Variants in CMIP observed in about 807,000 individuals in gnomAD.
CMIP encodes the protein C-Maf-inducing protein.
CMIP carries 13 observed loss-of-function variants against 97.3 expected under a neutral mutation model. The ratio of observed to expected loss-of-function variants is 0.13; its 90% confidence interval spans 0.09 to 0.21. The LOEUF is 0.21. Among genes scored for constraint, CMIP ranks in the 10% least tolerant of loss-of-function variants. CMIP has a pLI of 1.00. For missense variants in CMIP, 847 were observed against 1,024.9 expected, an observed-to-expected ratio of 0.83 and a Z score of 2.37; for synonymous variants, 538 against 436.3, an observed-to-expected ratio of 1.23 and a Z score of -2.91.
At chr16:81,620,074 G>A (rs952159648) in intron 2 of CMIP, 1 of 152,230 alleles carries the variant, frequency 6.6e-6, no homozygotes, top group Non-Finnish European at 1.5e-5. Flanking sequence ...CATGTGCCAA[G>A]CCTGGTTCTA....
At chr16:81,448,556 C>T (rs1318868867) in intron 1 of CMIP, among the ~76,000 whole-genome samples, 1 of 152,210 alleles carries the variant, frequency 6.6e-6, no homozygotes, top group African/African-American at 2.4e-5. Context: ...ACCCGCCTGG[C>T]CTGCCTGTAA....
In CMIP at chr16:81,652,076, A is replaced by G; in HGVS notation, c.478-127A>G. On this transcript the variant is annotated intron_variant, in intron 3 of 20. Transcript: ENST00000537098. This position sits in a 1 kb window ranked among gnomAD's most constrained non-coding sequence, Gnocchi z 5.2. ...GGTGTCAGTTTCCTTATAAACGGGG[A>G]CTGGGCCAAGTTGTCAGTTTCTCAG... is the stretch of plus-strand genomic sequence containing the variant. 1.4e-6 allele frequency: 1 copy of G among 690,422 alleles called. No homozygotes were observed. Among genetic ancestry groups the G allele is most frequent in the African/African-American group, 1.8e-5 (1 of 55,714 alleles). 42.8% of individuals were successfully genotyped at this position (690,422 alleles called of 1,614,324 possible).
intron 1 of CMIP, among the ~76,000 whole-genome samples, chr16:81,567,795 G>A (rs77599585): frequency 9.4e-4 from 143 of 152,284 alleles, no homozygotes; most frequent in African/African-American, 3.2e-3. Context: ...TCACCTCCCC[G>A]AAGCGCAGAG....
chr16:81,681,258 C>T (rs1904846656), intron 10 of CMIP, among the ~76,000 whole-genome samples: 1 of 152,268 alleles, frequency 6.6e-6, no homozygotes, highest in East Asian at 1.9e-4. Flanking sequence ...CCTCCCCACA[C>T]CCAGCAGGCT....
In CMIP at chr16:81,614,515, G is replaced by T. The variant is rs1265572779; in HGVS notation, c.427-6361G>T. On this transcript the variant is annotated intron_variant, in intron 2 of 20. Coordinates refer to ENST00000537098, the MANE Select transcript of CMIP (RefSeq NM_198390.3). The surrounding 1 kb of genome is among the most constrained non-coding windows in gnomAD (Gnocchi z 5.3). ...AATGATGACCCCAGCAAGTCTGGGT[G>T]TGTGTGTGGTATATGCATTGGTTTC... Among the ~76,000 whole-genome samples the T allele has an allele frequency of 6.6e-6, 1 of 152,198 alleles. No homozygotes were observed. Among genetic ancestry groups the T allele is most frequent in the African/African-American group, 2.4e-5 (1 of 41,434 alleles).
At position 81,516,297 on chromosome 16, in the gene CMIP, A is replaced by C. The variant is rs115978318; in HGVS notation, c.300+70756A>C. ...CTTGATTCCTCCGGGGATTTTCTAAAATACACATGGAATCGCGCTTCTCTC... is the reference window on the plus strand; with the variant it reads ...CTTGATTCCTCCGGGGATTTTCTAACATACACATGGAATCGCGCTTCTCTC... On this transcript the variant is annotated intron_variant, in intron 1 of 20. Transcript: ENST00000537098. Among the ~76,000 whole-genome samples the C allele has an allele frequency of 6.4e-3, 975 of 152,192 alleles. 14 individuals are homozygous for C. Among genetic ancestry groups the C allele is most frequent in the African/African-American group, 0.022 (924 of 41,504 alleles).
chr16:81,529,042 A>C lies in CMIP; in HGVS notation c.301-78525A>C, dbSNP rs75552060. 6.8e-3 allele frequency among the ~76,000 whole-genome samples: 1,040 copies of C among 152,194 alleles called. 12 individuals are homozygous for C. Among genetic ancestry groups the C allele is most frequent in the African/African-American group, 0.023 (963 of 41,508 alleles). ...CTGATGGCTTTACCCATTGTAAATC[A>C]GGCCTTGGCTAGATACAGATGAATG... On this transcript the variant is annotated intron_variant, in intron 1 of 20. Coordinates refer to ENST00000537098, the MANE Select transcript of CMIP (RefSeq NM_198390.3).
intron 11 of CMIP, among the ~76,000 whole-genome samples, chr16:81,692,117 A>G (rs1906151775): frequency 6.6e-6 from 1 of 152,218 alleles, no homozygotes; most frequent in African/African-American, 2.4e-5. Flanking sequence ...GAATGCAAAC[A>G]GAGCCCTCCC....
chr16:81,708,604 C>T (rs372280756), intron 20 of CMIP, among the ~76,000 whole-genome samples: 8 of 152,322 alleles, frequency 5.3e-5, no homozygotes, highest in Non-Finnish European at 7.4e-5. Flanking sequence ...GGGACTCGAG[C>T]AAACAGCAGC....
intron 18 of CMIP, 147 bp downstream of exon 18, chr16:81,704,232 GCC>G (rs1199159009): frequency 4.7e-6 from 2 of 428,502 alleles, no homozygotes; most frequent in South Asian, 2.3e-5. Flanking sequence ...CCTCCTCCCT[GCC>G]CCCCTTACTC....
intron 10 of CMIP, among the ~76,000 whole-genome samples, chr16:81,680,235 C>T (rs150187226): frequency 2.8e-4 from 42 of 152,274 alleles, no homozygotes; most frequent in East Asian, 7.7e-4. Context: ...TGTCGTCACG[C>T]GCTGGGCAGC....
At chr16:81,543,990 A>G (rs2090496188) in intron 1 of CMIP, among the ~76,000 whole-genome samples, 1 of 152,216 alleles carries the variant, frequency 6.6e-6, no homozygotes, top group South Asian at 2.1e-4. Flanking sequence ...GCTTTAGCAC[A>G]TTTTTATTGC....
At chr16:81,551,042 G>C (rs1482641925) in intron 1 of CMIP, among the ~76,000 whole-genome samples, 2 of 96,080 alleles carry the variant, frequency 2.1e-5, no homozygotes, top group East Asian at 6.5e-4. Context: ...CCCCAGTCCC[G>C]TCACACGCAC....
intron 1 of CMIP, among the ~76,000 whole-genome samples, chr16:81,598,968 C>CAAAAAAAAAAAAAAA (rs141717317): frequency 1.4e-4 from 7 of 49,854 alleles, no homozygotes; most frequent in African/African-American, 5.6e-4. Flanking sequence ...GACTCTGTCT[C>CAAAAAAAAAAAAAAA]AAAAAAAAAA....
At chr16:81,651,837 T>A (rs1007442874) in intron 3 of CMIP, among the ~76,000 whole-genome samples, 2 of 152,218 alleles carry the variant, frequency 1.3e-5, no homozygotes, top group Admixed American at 6.5e-5. Context: ...CTGCCAACTC[T>A]AGAGCCCTGG....
At chr16:81,571,214 C>A (rs960331295) in intron 1 of CMIP, among the ~76,000 whole-genome samples, 1 of 152,006 alleles carries the variant, frequency 6.6e-6, no homozygotes, top group East Asian at 1.9e-4. Context: ...CTCATGCCTA[C>A]AATCCCAGCA....
intron 1 of CMIP, among the ~76,000 whole-genome samples, chr16:81,452,455 C>T (rs1906276332): frequency 6.6e-6 from 1 of 152,140 alleles, no homozygotes; most frequent in South Asian, 2.1e-4. Flanking sequence ...CTCGTGGAGC[C>T]TGTGTTGGTG....
In CMIP at chr16:81,453,059, G is replaced by C. The variant is rs543169495; in HGVS notation, c.300+7518G>C. On this transcript the variant is annotated intron_variant, in intron 1 of 20. Transcript: ENST00000537098. The surrounding 1 kb of genome is among the most constrained non-coding windows in gnomAD (Gnocchi z 4.0). ...GGATCCTAGGATCTAGAACACACTA[G>C]TGCTCTGATTCACCTCTGGTTTTGC... 7.2e-5 allele frequency among the ~76,000 whole-genome samples: 11 copies of C among 152,214 alleles called. No individual in the cohort carries two copies. The South Asian group carries it at 2.3e-3, about 32-fold the overall frequency.
intron 1 of CMIP, among the ~76,000 whole-genome samples, chr16:81,581,002 T>C (rs2091287299): frequency 6.6e-6 from 1 of 152,172 alleles, no homozygotes; most frequent in African/African-American, 2.4e-5. Context: ...TTCTGGACTT[T>C]TCATAGCAGT....
Sources: gnomAD v4.1 joint callset for allele counts (sites outside exome capture counted in the v4.1 genomes callset) on GRCh38, gnomAD v4.1.1 for gene constraint, Gnocchi (gnomAD v3.1) non-coding constraint, MANE v1.5 for transcripts, NCBI Gene and HGNC (gene_info 2026-07-23, HGNC 2026-07-21) for gene names.